STON2: variants seen among roughly 807,000 people sequenced by gnomAD.
The protein encoded by STON2 is stonin 2, also known as stonin-2.
Under a neutral mutation model 65.7 loss-of-function variants are expected in STON2, and 29 were observed. The observed-to-expected ratio is 0.44, with a 90% CI of 0.33 to 0.60. STON2 has a LOEUF of 0.60. Among genes scored for constraint, STON2 ranks in the 20% least tolerant of loss-of-function variants. The pLI is 0.03. For synonymous variants in STON2, 404 were observed against 414.2 expected (o/e 0.98, Z 0.30); for missense variants, 1,054 against 1,118.1 (o/e 0.94, Z 0.82).
At chr14:81,294,044 G>A (rs1039250881) in intron 5 of STON2, among the ~76,000 whole-genome samples, 30 of 151,898 alleles carry the variant, frequency 2.0e-4, no homozygotes, top group Middle Eastern at 3.2e-3. Flanking sequence ...AGTTATTTTC[G>A]CTCACAGTAA....
intron 5 of STON2, among the ~76,000 whole-genome samples, chr14:81,320,978 C>A (rs754970164): frequency 1.3e-5 from 2 of 152,190 alleles, no homozygotes; most frequent in Non-Finnish European, 2.9e-5. Context: ...AGATTTTAGG[C>A]ACCAGCTGTT....
At position 81,387,949 on chromosome 14, in the gene STON2, C is replaced by CTTTTTTT. The variant is rs369887955; in HGVS notation, c.373+7938_373+7944dup. ...TTTTAATCATATTTTTATTTCTTTT[C>CTTTTTTT]TTTTTTTTTTTTTTTTTTGAGATGG... On this transcript the variant is annotated intron_variant, in intron 3 of 7. Coordinates refer to ENST00000614646, the MANE Select transcript of STON2 (RefSeq NM_001394390.1). Among the ~76,000 whole-genome samples, 13 of 102,770 alleles carry CTTTTTTT rather than the reference C, an allele frequency of 1.3e-4. 1 individual carries two copies. Among genetic ancestry groups the CTTTTTTT allele is most frequent in the African/African-American group, 4.3e-4 (10 of 23,334 alleles). The allele number at this position is 102,770 out of a possible 152,430, so 67.4% of individuals were successfully genotyped here. A position where few individuals can be genotyped will look rare whatever the true frequency, so the allele number is the denominator to read the frequency against.
Position 81,277,990 on chromosome 14 carries a change from T to G in STON2, c.1492A>C (p.Met498Leu). ...ATCGGTCCCCAGTGCCTGGAGGACATGATGTTTTTCTTCTCAGGGATCCTC... is the reference window on the plus strand; with the variant it reads ...ATCGGTCCCCAGTGCCTGGAGGACAGGATGTTTTTCTTCTCAGGGATCCTC... ...MLRIPEKKNI[M>L]SSRHWGPIFV... Residue 498 changes from methionine to leucine, a missense_variant, in exon 6 of 8, where the codon ATG (methionine) becomes CTG (leucine). By Grantham distance (15) the Met-to-Leu change is conservative (BLOSUM62 2). Transcript: ENST00000614646. 1 of 1,614,174 alleles carries G rather than the reference T, an allele frequency of 6.2e-7. No homozygotes were observed. The highest frequency in any genetic ancestry group is 8.5e-7 in the Non-Finnish European group (1 of 1,180,034).
intron 5 of STON2, among the ~76,000 whole-genome samples, chr14:81,291,132 G>A (rs1453322333): frequency 6.6e-6 from 1 of 152,026 alleles, no homozygotes; most frequent in Non-Finnish European, 1.5e-5. Context: ...AATGAAGAAA[G>A]GAATTGGAGA....
chr14:81,329,113 G>T (rs1291083188), intron 4 of STON2, among the ~76,000 whole-genome samples: 2 of 152,130 alleles, frequency 1.3e-5, no homozygotes, highest in African/African-American at 4.8e-5. Flanking sequence ...TTAAGACGAG[G>T]TCATATTGGA....
rs545275036 is a variant in STON2, at chr14:81,263,291, C to T, written c.*5123G>A. The T allele has an allele frequency of 1.1e-4, 41 of 360,420 alleles. No individual in the cohort carries two copies. The highest frequency in any genetic ancestry group is 1.4e-3 in the Middle Eastern group (1 of 726). 22.3% of individuals were successfully genotyped at this position (360,420 alleles called of 1,614,324 possible). On this transcript the variant is annotated 3_prime_UTR_variant, in exon 8 of 8. Transcript: ENST00000614646. The stretch of plus-strand genomic sequence containing the variant: ...CGGCGGCTCATGCCTGTTATCCTAG[C>T]ACTCTGGGAGGCTAAGGCGGGTGGA...
chr14:81,309,439 C>T (rs932238625), intron 5 of STON2, among the ~76,000 whole-genome samples: 2 of 152,044 alleles, frequency 1.3e-5, no homozygotes, highest in African/African-American at 4.8e-5. Flanking sequence ...TTCTCTATGC[C>T]TTCTCATTTA....
intron 4 of STON2, among the ~76,000 whole-genome samples, chr14:81,334,416 T>C (rs1897303258): frequency 6.6e-6 from 1 of 152,230 alleles, no homozygotes; most frequent in African/African-American, 2.4e-5. Flanking sequence ...ATTCGGTTCA[T>C]CATCCAGCCT....
chr14:81,268,634 A>T, intron 7 of STON2, 137 bp from the exon 8 acceptor site: 1 of 1,232,448 alleles, frequency 8.1e-7, no homozygotes, highest in Non-Finnish European at 1.0e-6. Context: ...GCCACATTGG[A>T]GCTACTGGCC....
intron 4 of STON2, among the ~76,000 whole-genome samples, chr14:81,370,407 C>T (rs925162644): frequency 6.6e-5 from 10 of 152,178 alleles, no homozygotes. Flanking sequence ...GCAAAGAAAG[C>T]CAGCATTCCA....
chr14:81,413,074 G>GAGGA lies in STON2; in HGVS notation c.-199+14024_-199+14027dup, dbSNP rs372397755. ...AGGCGCTGGAGAAATACAACAAAGAGAGGAACACTGTGGCTCATATCAAGA... is the reference window on the plus strand; with the variant it reads ...AGGCGCTGGAGAAATACAACAAAGAGAGGAAGGAACACTGTGGCTCATATCAAGA... On this transcript the variant is annotated intron_variant, in intron 2 of 8. Coordinates refer to the STON2 transcript ENST00000553821. 4.3e-3 allele frequency: 4,543 copies of GAGGA among 1,047,314 alleles called. 1,181 individuals carry two copies. The African/African-American group carries it at 0.078, about 18-fold the overall frequency. 64.9% of individuals were successfully genotyped at this position (1,047,314 alleles called of 1,614,324 possible).
chr14:81,267,188 G>A lies in STON2; in HGVS notation c.*1226C>T, dbSNP rs183645051. The A allele has an allele frequency of 1.2e-4, 119 of 985,334 alleles. No homozygotes were observed. In the African/African-American group the frequency reaches 1.9e-3, roughly 16 times the overall value. 61.0% of individuals were successfully genotyped at this position (985,334 alleles called of 1,614,324 possible). On this transcript the variant is annotated 3_prime_UTR_variant, in exon 8 of 8. Coordinates refer to ENST00000614646, the MANE Select transcript of STON2 (RefSeq NM_001394390.1). Reference sequence around the variant, plus strand: ...GCAGAGGTGAGTAGGAACGGATGAAGGAAAAGAAGATTAATTGTCCCAGAA... The same window carrying A: ...GCAGAGGTGAGTAGGAACGGATGAAAGAAAAGAAGATTAATTGTCCCAGAA...
intron 7 of STON2, chr14:81,269,658 C>T (rs748313843): frequency 1.9e-4 from 185 of 985,118 alleles, no homozygotes; most frequent in Non-Finnish European, 2.2e-4. Flanking sequence ...GCCCACACAG[C>T]TAAGGAAACA....
chr14:81,268,633 G>C (rs947731049), intron 7 of STON2, 136 bp from the exon 8 acceptor site: 68 of 1,232,512 alleles, frequency 5.5e-5, no homozygotes, highest in Non-Finnish European at 6.5e-5. Context: ...AGCCACATTG[G>C]AGCTACTGGC....
intron 5 of STON2, among the ~76,000 whole-genome samples, chr14:81,304,661 G>A (rs537301494): frequency 6.6e-6 from 1 of 152,160 alleles, no homozygotes; most frequent in South Asian, 2.1e-4. Flanking sequence ...CTGGGAGGCG[G>A]GGGTTGCAGT....
chr14:81,412,821 G>A (rs1901226910), intron 2 of STON2: 3 of 472,044 alleles, frequency 6.4e-6, no homozygotes, highest in Non-Finnish European at 3.5e-6. Context: ...TGATTGCTTT[G>A]TGACCTTTAA....
At chr14:81,326,333 A>G (rs1897003401) in intron 4 of STON2, among the ~76,000 whole-genome samples, 1 of 152,332 alleles carries the variant, frequency 6.6e-6, no homozygotes, top group African/African-American at 2.4e-5. Context: ...ACAACAGTAA[A>G]TCTAATAATC....
In STON2 at chr14:81,261,001, C is replaced by T. The variant is rs1023945646; in HGVS notation, c.*7413G>A. 4 of 152,102 alleles carry T rather than the reference C, an allele frequency of 2.6e-5. No homozygotes were observed. The highest frequency in any genetic ancestry group is 5.9e-5 in the Non-Finnish European group (4 of 68,016). 9.4% of individuals were successfully genotyped at this position (152,102 alleles called of 1,614,324 possible). A position where few individuals can be genotyped will look rare whatever the true frequency, so the allele number is the denominator to read the frequency against. Reference sequence around the variant, plus strand: ...GAGGAATGGTGCTTCTCTGTCATCGCCTGGCTAAAACACTGATTTTGATTA... The same window carrying T: ...GAGGAATGGTGCTTCTCTGTCATCGTCTGGCTAAAACACTGATTTTGATTA... On this transcript the variant is annotated 3_prime_UTR_variant, in exon 8 of 8. Coordinates refer to ENST00000614646, the MANE Select transcript of STON2 (RefSeq NM_001394390.1).
chr14:81,263,066 T>A lies in STON2; in HGVS notation c.*5348A>T, dbSNP rs1466730416. ...GTTTGAATGGGACTTAGTAGTAAAGTGTGTGAGACAGTGCATTTACCAAAT... is the reference window on the plus strand; with the variant it reads ...GTTTGAATGGGACTTAGTAGTAAAGAGTGTGAGACAGTGCATTTACCAAAT... On this transcript the variant is annotated 3_prime_UTR_variant, in exon 8 of 8. Transcript: ENST00000614646. 1 of 985,158 alleles carries A rather than the reference T, an allele frequency of 1.0e-6. No individual in the cohort carries two copies. 61.0% of individuals were successfully genotyped at this position (985,158 alleles called of 1,614,324 possible).
Sources: allele counts gnomAD v4.1 joint callset (sites outside exome capture counted in the v4.1 genomes callset), GRCh38; gene constraint gnomAD v4.1.1; transcripts MANE v1.5; gene names NCBI Gene and HGNC (gene_info 2026-07-23, HGNC 2026-07-21).